The following SPAG16 variants were observed in gnomAD, a reference collection of about 807,000 sequenced individuals.
SPAG16 encodes the protein sperm-associated antigen 16 protein.
A neutral mutation model predicts 80.4 loss-of-function variants in SPAG16; 86 were observed. The observed-to-expected ratio is 1.07, with a 90% CI of 0.90 to 1.28. SPAG16 has a LOEUF of 1.28. Ranked by LOEUF, SPAG16 falls within the 50% of genes most tolerant of loss-of-function variation. The probability of loss-of-function intolerance (pLI) is 0.00; values close to 1 mark genes in which losing one functional copy is unlikely to be tolerated. For missense variants in SPAG16, 870 were observed against 765.3 expected (o/e 1.14, Z -1.61); for synonymous variants, 294 against 265.9 (o/e 1.11, Z -1.03).
At chr2:213,777,326 A>G (rs941089671) in intron 10 of SPAG16, among the ~76,000 whole-genome samples, 3 of 136,170 alleles carry the variant, frequency 2.2e-5, no homozygotes, top group African/African-American at 8.5e-5. Flanking sequence ...GGCTTACTGC[A>G]ACCTCCACCT....
chr2:213,374,598 A>G (rs1000762523), intron 8 of SPAG16, among the ~76,000 whole-genome samples: 2 of 151,732 alleles, frequency 1.3e-5, no homozygotes, highest in African/African-American at 4.8e-5. Context: ...ATAGTGAAGC[A>G]TAGACAATAA....
At chr2:214,229,635 TA>T (rs1269289641) in intron 15 of SPAG16, among the ~76,000 whole-genome samples, 2 of 151,758 alleles carry the variant, frequency 1.3e-5, no homozygotes, top group African/African-American at 4.8e-5. Context: ...TCATTCAGTT[TA>T]TTAAAAAACT....
At chr2:213,336,111 G>C (rs945214577) in intron 5 of SPAG16, among the ~76,000 whole-genome samples, 2 of 152,180 alleles carry the variant, frequency 1.3e-5, no homozygotes, top group Non-Finnish European at 2.9e-5. Flanking sequence ...TTCTCCCCCA[G>C]CCAAAGGAGG....
chr2:214,025,539 A>G (rs2048085007), intron 13 of SPAG16, among the ~76,000 whole-genome samples: 1 of 151,662 alleles, frequency 6.6e-6, no homozygotes, highest in Non-Finnish European at 1.5e-5. Context: ...CCACATGTTA[A>G]TTATAATTTT....
intron 10 of SPAG16, among the ~76,000 whole-genome samples, chr2:213,672,862 T>TG (rs200728452): frequency 0.014 from 1,840 of 135,926 alleles, 35 homozygotes; most frequent in African/African-American, 0.058. Context: ...TTTGTTTGTT[T>TG]TTTTTTTTTT....
intron 15 of SPAG16, among the ~76,000 whole-genome samples, chr2:214,404,940 G>A (rs1018015387): frequency 2.6e-5 from 4 of 152,092 alleles, no homozygotes; most frequent in African/African-American, 9.7e-5. Context: ...GATATATATA[G>A]TGACTTTTGC....
At chr2:214,292,997 G>A (rs777052473) in intron 15 of SPAG16, among the ~76,000 whole-genome samples, 9 of 152,186 alleles carry the variant, frequency 5.9e-5, no homozygotes, top group Non-Finnish European at 1.3e-4. Context: ...AAGTCTTACT[G>A]GGGACGAGGA....
At chr2:213,820,438 C>T (rs775893114) in intron 10 of SPAG16, among the ~76,000 whole-genome samples, 6 of 151,844 alleles carry the variant, frequency 4.0e-5, no homozygotes, top group Non-Finnish European at 8.8e-5. Flanking sequence ...GTGATGGGCT[C>T]CAAGTATTCA....
intron 12 of SPAG16, among the ~76,000 whole-genome samples, chr2:213,980,474 T>C (rs1291257899): frequency 1.5e-5 from 1 of 68,014 alleles, no homozygotes; most frequent in African/African-American, 4.2e-5. Flanking sequence ...AATATATGTG[T>C]GTATATATAT....
chr2:213,650,982 A>G (rs1261258826), intron 10 of SPAG16, among the ~76,000 whole-genome samples: 1 of 152,190 alleles, frequency 6.6e-6, no homozygotes, highest in East Asian at 1.9e-4. Context: ...GTTTGGTTTC[A>G]GATCTTTCAG....
At chr2:213,609,678 C>T (rs2061380127) in intron 10 of SPAG16, among the ~76,000 whole-genome samples, 1 of 152,150 alleles carries the variant, frequency 6.6e-6, no homozygotes, top group African/African-American at 2.4e-5. Context: ...ATCTCCCCCA[C>T]TATTTCCTTT....
chr2:213,882,352 G>T (rs2076376022), intron 11 of SPAG16, among the ~76,000 whole-genome samples: 1 of 152,178 alleles, frequency 6.6e-6, no homozygotes, highest in African/African-American at 2.4e-5. Context: ...TTCATGGAAT[G>T]AGTTAGGGAG....
rs554034096 is a variant in SPAG16 at position 213,766,037 on chromosome 2, C to T, written c.1071-96448C>T. Among the ~76,000 whole-genome samples, 20 of 152,296 alleles carry T rather than the reference C, an allele frequency of 1.3e-4. No homozygotes were observed. The South Asian group carries it at 2.9e-3, about 22-fold the overall frequency. ...CTTCTGTTTCATATACTGAGAGCTT[C>T]GTGGCTTTAACGCTACATTTCAGTC... On this transcript the variant is annotated intron_variant, in intron 10 of 15. Coordinates refer to ENST00000331683, the MANE Select transcript of SPAG16 (RefSeq NM_024532.5).
intron 13 of SPAG16, among the ~76,000 whole-genome samples, chr2:214,076,513 CTGTGTGTGTGTG>C (rs71399105): frequency 1.4e-5 from 2 of 143,348 alleles, no homozygotes; most frequent in Non-Finnish European, 3.0e-5. Flanking sequence ...TTATTTTATT[CTGTGTGTGTGTG>C]TGTGTGTGTG....
intron 15 of SPAG16, among the ~76,000 whole-genome samples, chr2:214,156,145 A>G (rs187865435): frequency 6.6e-6 from 1 of 152,308 alleles, no homozygotes; most frequent in African/African-American, 2.4e-5. Flanking sequence ...TTAGTTTTCA[A>G]TTAGTTGCCT....
At chr2:213,613,670 T>C (rs995171376) in intron 10 of SPAG16, among the ~76,000 whole-genome samples, 10 of 152,340 alleles carry the variant, frequency 6.6e-5, no homozygotes, top group Non-Finnish European at 1.3e-4. Flanking sequence ...ACATATTTTT[T>C]AGTTAGGTTT....
chr2:213,627,167 A>T (rs1390524502), intron 10 of SPAG16, among the ~76,000 whole-genome samples: 1 of 152,182 alleles, frequency 6.6e-6, no homozygotes, highest in African/African-American at 2.4e-5. Flanking sequence ...GTATTATGAG[A>T]CAAGATAGGA....
intron 15 of SPAG16, among the ~76,000 whole-genome samples, chr2:214,181,116 G>A (rs1267324446): frequency 6.6e-6 from 1 of 151,790 alleles, no homozygotes; most frequent in Non-Finnish European, 1.5e-5. Flanking sequence ...CATAAATATT[G>A]CTTGAAAGGC....
intron 7 of SPAG16, among the ~76,000 whole-genome samples, chr2:213,362,136 A>G (rs1343895554): frequency 6.6e-6 from 1 of 152,220 alleles, no homozygotes; most frequent in East Asian, 1.9e-4. Context: ...TCAAACATCA[A>G]ACAATAAAGT....
Sources: gnomAD v4.1 joint callset for allele counts (sites outside exome capture counted in the v4.1 genomes callset) on GRCh38, gnomAD v4.1.1 for gene constraint, MANE v1.5 for transcripts, NCBI Gene and HGNC (gene_info 2026-07-23, HGNC 2026-07-21) for gene names.